EVA1A: variants seen among roughly 807,000 people sequenced by gnomAD.
EVA1A encodes eva-1 homolog A, regulator of programmed cell death.
EVA1A carries 7 observed loss-of-function variants against 9.8 expected under a neutral mutation model. The observed-to-expected ratio is 0.71, with a 90% CI of 0.41 to 1.34. EVA1A has a LOEUF of 1.34. Among genes scored for constraint, EVA1A ranks in the 40% most tolerant of loss-of-function variants. EVA1A has a pLI of 0.01. For synonymous variants in EVA1A, 90 were observed against 85.6 expected, an observed-to-expected ratio of 1.05 and a Z score of -0.28; for missense variants, 206 against 205.9, an observed-to-expected ratio of 1.00 and a Z score of 0.00.
intron 1 of EVA1A, among the ~76,000 whole-genome samples, chr2:75,538,999 C>A (rs1166564084): frequency 6.6e-6 from 1 of 152,146 alleles, no homozygotes; most frequent in African/African-American, 2.4e-5. Flanking sequence ...GGGAAACTAG[C>A]TAAATGGAAT....
At chr2:75,553,546 G>A (rs1330368398) in intron 1 of EVA1A, among the ~76,000 whole-genome samples, 1 of 152,246 alleles carries the variant, frequency 6.6e-6, no homozygotes, top group Non-Finnish European at 1.5e-5. Flanking sequence ...GCCTGGAACT[G>A]TGCCTGGCAC....
intron 1 of EVA1A, among the ~76,000 whole-genome samples, chr2:75,530,766 G>GCCA (rs367968639): frequency 4.1e-4 from 63 of 152,246 alleles, no homozygotes; most frequent in African/African-American, 1.4e-3. Context: ...GGTAATAAAA[G>GCCA]CCATCTATGA....
chr2:75,564,898 C>T (rs1423587470), upstream of EVA1A, among the ~76,000 whole-genome samples: 1 of 152,182 alleles, frequency 6.6e-6, no homozygotes, highest in East Asian at 1.9e-4. Context: ...TACTGATGAA[C>T]AAACTAAGGC....
chr2:75,552,088 G>A (rs948520785), intron 1 of EVA1A, among the ~76,000 whole-genome samples: 23 of 152,214 alleles, frequency 1.5e-4, no homozygotes, highest in Non-Finnish European at 2.4e-4. Context: ...GGCTGAATCA[G>A]GAGGATCACC....
chr2:75,531,872 C>G (rs545211051), intron 1 of EVA1A, among the ~76,000 whole-genome samples: 1 of 152,046 alleles, frequency 6.6e-6, no homozygotes. Flanking sequence ...AACTTATCCA[C>G]GTAATGGCTG....
At position 75,559,391 on chromosome 2, in the gene EVA1A, G is replaced by A. The variant is rs73938972; in HGVS notation, c.-192+1289C>T. Among the ~76,000 whole-genome samples, 663 of 152,272 alleles carry A rather than the reference G, an allele frequency of 4.4e-3. 5 individuals are homozygous for A. Among genetic ancestry groups the A allele is most frequent in the African/African-American group, 0.015 (637 of 41,558 alleles). On this transcript the variant is annotated intron_variant, in intron 1 of 3. Coordinates refer to ENST00000393913, the MANE Select transcript of EVA1A (RefSeq NM_001135032.2). ...AGATGAGGAAATCCAGCTACAGAAA[G>A]GTACAGGAAGGCCCCAGCCAGGATT...
At chr2:75,557,217 A>G (rs1255731518) in intron 1 of EVA1A, among the ~76,000 whole-genome samples, 2 of 152,214 alleles carry the variant, frequency 1.3e-5, no homozygotes, top group Admixed American at 6.5e-5. Flanking sequence ...TAGCCCACAG[A>G]GCAAGTGGCC....
At chr2:75,530,640 A>T (rs1378944724) in intron 1 of EVA1A, among the ~76,000 whole-genome samples, 2 of 152,226 alleles carry the variant, frequency 1.3e-5, no homozygotes, top group African/African-American at 2.4e-5. Context: ...AAACAGAATT[A>T]AAAACAGAAA....
chr2:75,493,488 CT>C lies in EVA1A; in HGVS notation c.206del (p.Lys69ArgfsTer39). 6.2e-7 allele frequency: 1 copy of C among 1,614,240 alleles called. No homozygotes were observed. The highest frequency in any genetic ancestry group is 1.3e-5 in the African/African-American group (1 of 75,076). On this transcript the variant is annotated frameshift_variant, in exon 4 of 4. Transcript: ENST00000393913. LOFTEE classifies it high-confidence loss of function. ...TGCTCTCTCTGTCCTGCAGGAACTT[CT>C]TCCCGGGACGCCGCCTGCAGTCTGT... The part of the protein sequence containing the change: ...CHTDCRRRPG[K>X]KFLQDRESSS...
chr2:75,548,704 T>C (rs1363215383), intron 1 of EVA1A, among the ~76,000 whole-genome samples: 1 of 152,174 alleles, frequency 6.6e-6, no homozygotes, highest in African/African-American at 2.4e-5. Flanking sequence ...AATATGCGCC[T>C]ACAGATCTTT....
chr2:75,559,058 G>C (rs775064624), intron 1 of EVA1A, among the ~76,000 whole-genome samples: 1 of 152,202 alleles, frequency 6.6e-6, no homozygotes, highest in Non-Finnish European at 1.5e-5. Flanking sequence ...AAAAGGATGA[G>C]AGCTGGAAAT....
intron 3 of EVA1A, among the ~76,000 whole-genome samples, chr2:75,516,841 C>T (rs1016413211): frequency 6.6e-6 from 1 of 152,202 alleles, no homozygotes; most frequent in African/African-American, 2.4e-5. Flanking sequence ...TTTCAAACCT[C>T]TCTTCCAGCT....
At chr2:75,499,582 G>A (rs76541253) in intron 3 of EVA1A, among the ~76,000 whole-genome samples, 48 of 152,288 alleles carry the variant, frequency 3.2e-4, no homozygotes, top group Non-Finnish European at 6.2e-4. Context: ...CCAAGGGTCA[G>A]GTCTTGGACC....
chr2:75,493,389 G>A lies in EVA1A; in HGVS notation c.306C>T (p.Arg102=), dbSNP rs1483821552. The change falls in exon 4 of 4, where the codon CGC becomes CGT. Residue 102 remains arginine (R), a synonymous_variant. Coordinates refer to ENST00000393913, the MANE Select transcript of EVA1A (RefSeq NM_001135032.2). ...CATTCTTGTTCAAAGTCCTCTCGAA[G>A]CGGCGGTGTCTCCGCACGGAGAGAT... ...VSDLSVRRHR[R]FERTLNKNVF... is the part of the protein sequence containing the mutation. The A allele has an allele frequency of 6.2e-7, 1 of 1,614,240 alleles. No individual in the cohort carries two copies. The highest frequency in any genetic ancestry group is 2.2e-5 in the East Asian group (1 of 44,880).
At chr2:75,506,937 G>C (rs1338294756) in intron 3 of EVA1A, among the ~76,000 whole-genome samples, 1 of 152,176 alleles carries the variant, frequency 6.6e-6, no homozygotes, top group Non-Finnish European at 1.5e-5. Flanking sequence ...AACTGCAGAG[G>C]AAGAACCTAC....
At chr2:75,515,349 C>G (rs1674966562) in intron 3 of EVA1A, among the ~76,000 whole-genome samples, 1 of 152,266 alleles carries the variant, frequency 6.6e-6, no homozygotes, top group Middle Eastern at 3.4e-3. Context: ...CAGAAGTAAA[C>G]AGGGAGATTA....
intron 3 of EVA1A, among the ~76,000 whole-genome samples, chr2:75,509,751 TTAAA>T (rs967745887): frequency 6.3e-4 from 96 of 152,308 alleles, no homozygotes; most frequent in African/African-American, 2.3e-3. Flanking sequence ...AATCTGGATC[TTAAA>T]TAATACTTTG....
chr2:75,517,331 A>T (rs1366899475), intron 3 of EVA1A, among the ~76,000 whole-genome samples: 1 of 152,232 alleles, frequency 6.6e-6, no homozygotes, highest in Non-Finnish European at 1.5e-5. Flanking sequence ...CAGAGACATC[A>T]GGCAAAACAA....
At chr2:75,548,399 T>C (rs945683811) in intron 1 of EVA1A, among the ~76,000 whole-genome samples, 1 of 152,164 alleles carries the variant, frequency 6.6e-6, no homozygotes, top group African/African-American at 2.4e-5. Context: ...CCTCCCACAG[T>C]GCTGAGATTA....
Sources: gnomAD v4.1 joint callset for allele counts (sites outside exome capture counted in the v4.1 genomes callset) on GRCh38, gnomAD v4.1.1 for gene constraint, MANE v1.5 for transcripts, NCBI Gene and HGNC (gene_info 2026-07-23, HGNC 2026-07-21) for gene names.